Variants in ITGAL observed in about 807,000 individuals in gnomAD.
The protein encoded by ITGAL is integrin alpha-L.
In ITGAL, 68 loss-of-function variants were observed where a neutral mutation model predicts 138.4. The ratio of observed to expected loss-of-function variants is 0.49; its 90% CI spans 0.40 to 0.60. The LOEUF (loss-of-function observed/expected upper bound fraction) is 0.60, where lower values mean the gene tolerates loss of function less well. ITGAL is among the 20% of genes least tolerant of loss of function. ITGAL has a pLI of 0.00. For synonymous variants in ITGAL, 561 were observed against 584.3 expected, an observed-to-expected ratio of 0.96 and a Z score of 0.57; for missense variants, 1,256 against 1,478.6, an observed-to-expected ratio of 0.85 and a Z score of 2.47.
rs779591671 is a variant in ITGAL at position 30,496,575 on chromosome 16, G to A, written c.1832+9G>A. The A allele has an allele frequency of 6.2e-7, 1 of 1,608,304 alleles. No homozygotes were observed. Among genetic ancestry groups the A allele is most frequent in the Admixed American group, 1.7e-5 (1 of 58,784 alleles). On this transcript the variant is annotated intron_variant, in intron 15 of 30. Coordinates refer to ENST00000356798, the MANE Select transcript of ITGAL (RefSeq NM_002209.3). ...CAGATGATCGTGCTGAGGTGAGATGGGTCTCCCAGGTCACACCTGATGACC... is the reference window on the plus strand; with the variant it reads ...CAGATGATCGTGCTGAGGTGAGATGAGTCTCCCAGGTCACACCTGATGACC...
Position 30,510,876 on chromosome 16 carries a change from G to T in ITGAL, c.2620-5G>T. 6.2e-7 allele frequency: 1 copy of T among 1,613,430 alleles called. No homozygotes were observed. The highest frequency in any genetic ancestry group is 8.5e-7 in the Non-Finnish European group (1 of 1,179,530). ...CATTTCCATTGCCCTCTCCTTTCCT[G>T]CCAGGTTGCTCTGCAGATGATGTTT... On this transcript the variant is annotated splice_polypyrimidine_tract_variant and splice_region_variant and intron_variant, in intron 22 of 30. Transcript: ENST00000356798.
At chr16:30,480,253 T>C (rs921964033) in intron 6 of ITGAL, among the ~76,000 whole-genome samples, 11 of 152,182 alleles carry the variant, frequency 7.2e-5, no homozygotes, top group African/African-American at 2.7e-4. Context: ...TTTCTGTTTC[T>C]TTTTGCGTCT....
chr16:30,479,173 AGG>A lies in ITGAL; in HGVS notation c.412_413del (p.Gly138SerfsTer24), dbSNP rs1380034588. 6.2e-7 allele frequency: 1 copy of A among 1,614,026 alleles called. No individual in the cohort carries two copies. Among genetic ancestry groups the A allele is most frequent in the Non-Finnish European group, 8.5e-7 (1 of 1,180,036 alleles). On this transcript the variant is annotated frameshift_variant, in exon 5 of 31. Transcript: ENST00000356798. LOFTEE classifies it high-confidence loss of function. Reference sequence around the variant, plus strand: ...TGTTACCTCTTCCGCCAGAATCTGCAGGGTCCCATGCTGCAGGGGCGCCCTGG... The same window carrying A: ...TGTTACCTCTTCCGCCAGAATCTGCAGTCCCATGCTGCAGGGGCGCCCTGG...
At chr16:30,475,692 C>T (rs2050460173) in intron 4 of ITGAL, 112 bp downstream of exon 4, 1 of 627,376 alleles carries the variant, frequency 1.6e-6, no homozygotes, top group African/African-American at 1.9e-5. Context: ...TCAAAGGCAT[C>T]AGAGTCAATT....
At chr16:30,474,449 C>A (rs575051896) in intron 2 of ITGAL, 151 bp downstream of exon 2, 49 of 616,834 alleles carry the variant, frequency 7.9e-5, no homozygotes, top group African/African-American at 3.7e-5. Flanking sequence ...GGTGGGAATC[C>A]TCAGAGACAG....
In ITGAL at chr16:30,521,514, TGAAGGA is replaced by T. The variant is rs769317379; in HGVS notation, c.3367_3372del (p.Glu1123_Lys1124del). The stretch of plus-strand genomic sequence containing the variant: ...CAGGTTGGTTTCTTCAAACGGAACC[TGAAGGA>T]GAAGATGGAGGCTGGCAGAGGTGTC... On this transcript the variant is annotated inframe_deletion, in exon 31 of 31. Transcript: ENST00000356798. 2.5e-6 allele frequency: 4 copies of T among 1,614,030 alleles called. No homozygotes were observed.
At chr16:30,495,107 C>T (rs2050780960) in intron 13 of ITGAL, among the ~76,000 whole-genome samples, 1 of 152,208 alleles carries the variant, frequency 6.6e-6, no homozygotes, top group African/African-American at 2.4e-5. Context: ...TCACTGCAAC[C>T]TCCACCTCCC....
Position 30,494,331 on chromosome 16 carries a change from T to C in ITGAL, c.1333T>C (p.Trp445Arg), listed in dbSNP as rs1439386155. ...LFQEPQGGGH[W>R]SQVQTIHGTQ... is the part of the protein sequence containing the mutation. ...CCAAGAGCCACAGGGCGGAGGACAC[T>C]GGAGCCAGGTCCAGACAATCCATGG... Residue 445 changes from tryptophan (W) to arginine (R), a missense_variant, in exon 12 of 31, where the codon TGG becomes CGG. By Grantham distance (101) the Trp-to-Arg change is moderately radical (BLOSUM62 -3). Around this residue, in one of 3 missense-constraint regions of ITGAL, gnomAD observed 867 missense variants for 972.5 expected, o/e 0.89. Coordinates refer to ENST00000356798, the MANE Select transcript of ITGAL (RefSeq NM_002209.3). The surrounding 1 kb of genome is among the most constrained non-coding windows in gnomAD (Gnocchi z 4.2). 6.2e-7 allele frequency: 1 copy of C among 1,612,280 alleles called. No homozygotes were observed. Among genetic ancestry groups the C allele is most frequent in the Non-Finnish European group, 8.5e-7 (1 of 1,178,864 alleles).
chr16:30,521,208 A>C (rs1379203605), intron 30 of ITGAL, among the ~76,000 whole-genome samples: 1 of 152,054 alleles, frequency 6.6e-6, no homozygotes, highest in Non-Finnish European at 1.5e-5. Flanking sequence ...GGAGTTCAAG[A>C]CCAGCCTGGC....
At chr16:30,482,818 A>G (rs2086914968) in intron 7 of ITGAL, among the ~76,000 whole-genome samples, 1 of 151,910 alleles carries the variant, frequency 6.6e-6, no homozygotes, top group South Asian at 2.1e-4. Context: ...TGGGCAAAAC[A>G]GGAATTTTCT....
Position 30,475,293 on chromosome 16 carries a change from G to A in ITGAL, c.165-13G>A. 6.2e-7 allele frequency: 1 copy of A among 1,607,224 alleles called. No homozygotes were observed. Among genetic ancestry groups the A allele is most frequent in the Non-Finnish European group, 8.5e-7 (1 of 1,174,560 alleles). ...CTGGGCCACTCCCTCTCACAGGTGAGATTTCTCACCAGGGTCATCGTGGGA... is the reference window on the plus strand; with the variant it reads ...CTGGGCCACTCCCTCTCACAGGTGAAATTTCTCACCAGGGTCATCGTGGGA... On this transcript the variant is annotated splice_polypyrimidine_tract_variant and intron_variant, in intron 2 of 30. Coordinates refer to ENST00000356798, the MANE Select transcript of ITGAL (RefSeq NM_002209.3).
intron 4 of ITGAL, chr16:30,477,342 A>G (rs1377978177): frequency 1.3e-5 from 2 of 152,206 alleles, no homozygotes; most frequent in Non-Finnish European, 2.9e-5. Context: ...GCTTGAGGCC[A>G]GGAGTTCAAG....
At chr16:30,499,707 A>ATATGTGTATATATATATACG (rs1555507149) in intron 17 of ITGAL, among the ~76,000 whole-genome samples, 1 of 84,850 alleles carries the variant, frequency 1.2e-5, no homozygotes, top group Non-Finnish European at 2.1e-5. Context: ...GTGTATATAT[A>ATATGTGTATATATATATACG]TATATGTATA....
At chr16:30,474,114 TG>T in intron 1 of ITGAL, 81 bp from the exon 2 acceptor site, 1 of 1,016,884 alleles carries the variant, frequency 9.8e-7, no homozygotes. Flanking sequence ...GACATCCGGG[TG>T]GGCCTGGGAT....
In ITGAL at chr16:30,521,686, G is replaced by A; in HGVS notation, c.*21G>A. 1.2e-6 allele frequency: 2 copies of A among 1,610,968 alleles called. No individual in the cohort carries two copies. The highest frequency in any genetic ancestry group is 1.7e-6 in the Non-Finnish European group (2 of 1,178,752). ...ACTGAGTCCAGGCCTGTGAGGTGCA[G>A]AGTGCCCAGAACTGGACTCAGGATG... On this transcript the variant is annotated 3_prime_UTR_variant, in exon 31 of 31. Coordinates refer to ENST00000356798, the MANE Select transcript of ITGAL (RefSeq NM_002209.3).
At chr16:30,490,413 T>C (rs1441986204) in intron 11 of ITGAL, among the ~76,000 whole-genome samples, 2 of 152,110 alleles carry the variant, frequency 1.3e-5, no homozygotes, top group African/African-American at 4.8e-5. Context: ...CCAAAATTAT[T>C]CAAACTGTGC....
intron 21 of ITGAL, among the ~76,000 whole-genome samples, chr16:30,507,711 T>C (rs2051025303): frequency 6.6e-6 from 1 of 151,840 alleles, no homozygotes; most frequent in Non-Finnish European, 1.5e-5. Flanking sequence ...AGTCTCAAAC[T>C]TCTGAGCTCA....
intron 24 of ITGAL, among the ~76,000 whole-genome samples, chr16:30,513,138 G>C (rs2051114452): frequency 6.6e-6 from 1 of 152,198 alleles, no homozygotes; most frequent in Non-Finnish European, 1.5e-5. Context: ...TGGAGGATGA[G>C]GCCATTAGGG....
rs970160393 is a variant in ITGAL at position 30,475,559 on chromosome 16, C to A, written c.306C>A (p.Asp102Glu). ...SKYLGMTLAT[D>E]PTDGSILACD... The stretch of plus-strand genomic sequence containing the variant: ...ACTTGGGAATGACCTTGGCAACAGA[C>A]CCCACAGATGGAAGCATTTTGGTAA... Residue 102 changes from aspartate (D) to glutamate (E), a missense_variant, in exon 4 of 31, where the codon GAC becomes GAA. This residue lies in a region of ITGAL where 212 missense variants were observed against 217.4 expected (regional missense o/e 0.98). Coordinates refer to ENST00000356798, the MANE Select transcript of ITGAL (RefSeq NM_002209.3). 5 of 1,613,594 alleles carry A rather than the reference C, an allele frequency of 3.1e-6. No individual in the cohort carries two copies. In the Admixed American group the frequency reaches 5.0e-5, roughly 16 times the overall value.
Sources: gnomAD v4.1 joint callset for allele counts (sites outside exome capture counted in the v4.1 genomes callset) on GRCh38, gnomAD v4.1.1 for gene constraint, gnomAD v4.1.1 regional missense constraint, Gnocchi (gnomAD v3.1) non-coding constraint, MANE v1.5 for transcripts, NCBI Gene and HGNC (gene_info 2026-07-23, HGNC 2026-07-21) for gene names.